The following SPDL1 variants were observed in gnomAD, a reference collection of about 807,000 sequenced individuals.
The protein encoded by SPDL1 is protein Spindly.
Under a neutral mutation model 79.5 loss-of-function variants are expected in SPDL1, and 85 were observed. The observed-to-expected ratio is 1.07, with a 90% CI of 0.90 to 1.28. The LOEUF (loss-of-function observed/expected upper bound fraction) is 1.28. SPDL1 is among the 50% of genes most tolerant of loss of function. SPDL1 has a pLI of 0.00. For synonymous variants in SPDL1, 269 were observed against 240.3 expected, an observed-to-expected ratio of 1.12 and a Z score of -1.10; for missense variants, 703 against 697.8, an observed-to-expected ratio of 1.01 and a Z score of -0.08.
rs778597040 is a variant in SPDL1 at position 169,604,469 on chromosome 5, A to G, written c.*262A>G. 39 of 221,926 alleles carry G rather than the reference A, an allele frequency of 1.8e-4. No homozygotes were observed. In the Middle Eastern group the frequency reaches 4.5e-3, roughly 25 times the overall value. The allele number at this position is 221,926 out of a possible 1,614,324, so 13.7% of individuals were successfully genotyped here. ...GGAAAATGTTATAATTAATGTATCTATTTGCTGCATTGTATATGGATTAAA... is the reference window on the plus strand; with the variant it reads ...GGAAAATGTTATAATTAATGTATCTGTTTGCTGCATTGTATATGGATTAAA... On this transcript the variant is annotated 3_prime_UTR_variant, in exon 12 of 12. Coordinates refer to ENST00000265295, the MANE Select transcript of SPDL1 (RefSeq NM_017785.5).
At chr5:169,587,912 G>A (rs375551178) in intron 1 of SPDL1, among the ~76,000 whole-genome samples, 1 of 152,168 alleles carries the variant, frequency 6.6e-6, no homozygotes, top group Non-Finnish European at 1.5e-5. Flanking sequence ...TTGAGATGGA[G>A]TCTTGCTATG....
intron 2 of SPDL1, 127 bp from the exon 3 acceptor site, chr5:169,590,921 G>A (rs1755241906): frequency 2.4e-6 from 2 of 839,942 alleles, no homozygotes; most frequent in Non-Finnish European, 3.9e-6. Flanking sequence ...GGTTTAACAT[G>A]TCTTCGTTAT....
intron 10 of SPDL1, among the ~76,000 whole-genome samples, chr5:169,599,548 T>C (rs1755775907): frequency 6.6e-6 from 1 of 152,174 alleles, no homozygotes; most frequent in Non-Finnish European, 1.5e-5. Flanking sequence ...ATGGAGACTT[T>C]AAAAAGGTGG....
intron 3 of SPDL1, among the ~76,000 whole-genome samples, chr5:169,591,936 G>A (rs1048573776): frequency 6.6e-6 from 1 of 152,178 alleles, no homozygotes; most frequent in East Asian, 1.9e-4. Context: ...CAGCTAGCCA[G>A]TGCTTTCAGG....
chr5:169,598,364 C>T (rs1581312887), intron 8 of SPDL1, 112 bp from the exon 9 acceptor site: 7 of 666,068 alleles, frequency 1.1e-5, no homozygotes, highest in South Asian at 7.3e-5. Flanking sequence ...TAGTTCTTAG[C>T]GTAGTACGCC....
At position 169,593,526 on chromosome 5, in the gene SPDL1, T is replaced by G. The variant is rs375950697; in HGVS notation, c.509T>G (p.Leu170Arg). Reference sequence around the variant, plus strand: ...GAGATGCTGGCTCTTCAAATTGAGCTGACAGAAATGGAGAGTATGAAGGTA... The same window carrying G: ...GAGATGCTGGCTCTTCAAATTGAGCGGACAGAAATGGAGAGTATGAAGGTA... ...SSEMLALQIE[L>R]TEMESMKTTL... is the part of the protein sequence containing the mutation. The change falls in exon 4 of 12, where the codon CTG becomes CGG. Residue 170 changes from leucine to arginine, a missense_variant. Leu to Arg is a moderately radical substitution (Grantham distance 102). Transcript: ENST00000265295. 4 of 1,610,870 alleles carry G rather than the reference T, an allele frequency of 2.5e-6. No individual in the cohort carries two copies. In the South Asian group the frequency reaches 3.3e-5, roughly 13 times the overall value.
In SPDL1 at chr5:169,596,609, G is replaced by A; in HGVS notation, c.940G>A (p.Glu314Lys). Residue 314 changes from glutamate (E) to lysine (K), a missense_variant, in exon 8 of 12, where the codon GAG (glutamate) becomes AAG (lysine). By Grantham distance (56) the Glu-to-Lys change is moderately conservative (BLOSUM62 1). Transcript: ENST00000265295. ...GATGAAAGGGTCTCAAACTGAATTT[G>A]AGCAGCAGGAACGGTTGCTTGCCAT... The part of the protein sequence containing the change: ...LQMKGSQTEF[E>K]QQERLLAMLE... 3 of 1,610,510 alleles carry A rather than the reference G, an allele frequency of 1.9e-6. No homozygotes were observed. The highest frequency in any genetic ancestry group is 2.5e-6 in the Non-Finnish European group (3 of 1,178,912).
chr5:169,588,280 T>A (rs1755081695), intron 1 of SPDL1, 114 bp from the exon 2 acceptor site: 1 of 684,410 alleles, frequency 1.5e-6, no homozygotes. Flanking sequence ...AGGAAGAAAA[T>A]TTTAATGTTT....
intron 4 of SPDL1, 63 bp downstream of exon 4, chr5:169,593,611 G>A (rs909285014): frequency 6.9e-7 from 1 of 1,454,748 alleles, no homozygotes; most frequent in African/African-American, 1.4e-5. Flanking sequence ...ATTTTTACAT[G>A]TTTTGGTAAT....
At chr5:169,601,814 A>G (rs1561878941) in intron 11 of SPDL1, 189 bp downstream of exon 11, 2 of 692,894 alleles carry the variant, frequency 2.9e-6, no homozygotes, top group East Asian at 5.4e-5. Context: ...GCAAAGGGAA[A>G]GGACTCTTGA....
At chr5:169,592,928 T>C (rs1214893587) in intron 3 of SPDL1, among the ~76,000 whole-genome samples, 1 of 152,008 alleles carries the variant, frequency 6.6e-6, no homozygotes, top group Non-Finnish European at 1.5e-5. Context: ...TCTTCTCTTA[T>C]TTTTCACATT....
At chr5:169,590,298 G>T (rs1755208163) in intron 2 of SPDL1, among the ~76,000 whole-genome samples, 1 of 152,138 alleles carries the variant, frequency 6.6e-6, no homozygotes, top group African/African-American at 2.4e-5. Flanking sequence ...AGTCATAAAG[G>T]CAAAGTAAAG....
intron 2 of SPDL1, 39 bp from the exon 3 acceptor site, chr5:169,591,009 A>G (rs747855361): frequency 1.9e-6 from 3 of 1,541,936 alleles, no homozygotes; most frequent in Non-Finnish European, 2.7e-6. Flanking sequence ...GCTTTAGGCT[A>G]TTTTTATGTA....
chr5:169,596,518 C>G (rs1324684526), intron 7 of SPDL1, 43 bp from the exon 8 acceptor site: 2 of 1,537,362 alleles, frequency 1.3e-6, no homozygotes, highest in Non-Finnish European at 8.9e-7. Flanking sequence ...CAGAATCTTT[C>G]TCTCACTTAA....
At chr5:169,585,210 A>G (rs192432539) in intron 1 of SPDL1, among the ~76,000 whole-genome samples, 2 of 152,288 alleles carry the variant, frequency 1.3e-5, no homozygotes, top group Admixed American at 6.5e-5. Flanking sequence ...GCTGCCCCCC[A>G]GATTAGGACA....
Position 169,591,140 on chromosome 5 carries a change from A to C in SPDL1, c.252A>C (p.Lys84Asn), listed in dbSNP as rs1316497578. The change falls in exon 3 of 12, where the codon AAA (lysine) becomes AAC (asparagine). Residue 84 changes from lysine (K) to asparagine (N), a missense_variant. Transcript: ENST00000265295. ...TGAGCTGCGAATGTGAAGCTATTAA[A>C]CAACAACAAAAAATGCACCTGGAGA... ...ESLSCECEAI[K>N]QQQKMHLEKL... 4.3e-6 allele frequency: 7 copies of C among 1,614,072 alleles called. No individual in the cohort carries two copies.
chr5:169,596,840 T>C (rs1289186136), intron 8 of SPDL1, 139 bp downstream of exon 8: 1 of 667,300 alleles, frequency 1.5e-6, no homozygotes, highest in Non-Finnish European at 2.4e-6. Context: ...TGTTTCTCCT[T>C]ATACTTAAAC....
intron 7 of SPDL1, 69 bp downstream of exon 7, chr5:169,594,750 C>T: frequency 1.0e-6 from 1 of 981,916 alleles, no homozygotes; most frequent in Non-Finnish European, 1.6e-6. Flanking sequence ...ATGAATACAT[C>T]AAAGAAACTA....
At chr5:169,591,259 C>G (rs1755270877) in intron 3 of SPDL1, 35 bp downstream of exon 3, 2 of 1,585,572 alleles carry the variant, frequency 1.3e-6, no homozygotes, top group African/African-American at 1.4e-5. Context: ...ACAAAATATT[C>G]CATATTTATG....
Sources: gnomAD v4.1 joint callset for allele counts (sites outside exome capture counted in the v4.1 genomes callset) on GRCh38, gnomAD v4.1.1 for gene constraint, MANE v1.5 for transcripts, NCBI Gene and HGNC (gene_info 2026-07-23, HGNC 2026-07-21) for gene names.